Variants in ADGRB3 observed in about 807,000 individuals in gnomAD.
ADGRB3 encodes adhesion G protein-coupled receptor B3.
Under a neutral mutation model 193.4 loss-of-function variants are expected in ADGRB3, and 37 were observed. The observed-to-expected ratio is 0.19, with a 90% confidence interval of 0.15 to 0.25. ADGRB3 has a LOEUF of 0.25. ADGRB3 is among the 10% of genes least tolerant of loss of function. The pLI, the probability that ADGRB3 is intolerant of heterozygous loss-of-function variation, is 1.00. For synonymous variants in ADGRB3, 690 were observed against 644.2 expected (o/e 1.07, Z -1.08); for missense variants, 1,637 against 1,852.9 (o/e 0.88, Z 2.14).
chr6:68,642,572 G>C (rs971897250), intron 3 of ADGRB3, among the ~76,000 whole-genome samples: 2 of 151,988 alleles, frequency 1.3e-5, no homozygotes, highest in East Asian at 3.9e-4. Context: ...TTTGACTAAT[G>C]CTTCATTAAA....
chr6:68,756,085 C>CA (rs1459991850), intron 3 of ADGRB3, among the ~76,000 whole-genome samples: 1 of 152,080 alleles, frequency 6.6e-6, no homozygotes, highest in Non-Finnish European at 1.5e-5. Flanking sequence ...TTAATGGGCA[C>CA]ATTGGCATGT....
chr6:69,372,465 GA>G (rs929923619), intron 30 of ADGRB3, 24 bp downstream of exon 30: 1 of 1,243,740 alleles, frequency 8.0e-7, no homozygotes, highest in Non-Finnish European at 1.1e-6. Context: ...AATTATTTTA[GA>G]ATTGTAATTA....
In ADGRB3 at chr6:69,030,092, A is replaced by G. The variant is rs539686951; in HGVS notation, c.2107+11593A>G. On this transcript the variant is annotated intron_variant, in intron 13 of 31. Transcript: ENST00000370598. ...CCATCCCATGCCAGTTAGAATGGCA[A>G]TCATTAAAAAGTCAGGAAACAACAG... 2.8e-4 allele frequency among the ~76,000 whole-genome samples: 43 copies of G among 152,144 alleles called. No individual in the cohort carries two copies. In the East Asian group the frequency reaches 4.1e-3, roughly 14 times the overall value.
chr6:68,837,857 G>T (rs1768074852), intron 3 of ADGRB3, among the ~76,000 whole-genome samples: 1 of 152,118 alleles, frequency 6.6e-6, no homozygotes, highest in African/African-American at 2.4e-5. Flanking sequence ...GCTGTCTATG[G>T]ATTTAGCCAG....
chr6:68,638,841 A>G lies in ADGRB3; in HGVS notation c.166A>G (p.Thr56Ala), dbSNP rs766544449. 10 of 1,614,004 alleles carry G rather than the reference A, an allele frequency of 6.2e-6. No homozygotes were observed. The South Asian group carries it at 1.1e-4, about 18-fold the overall frequency. Residue 56 changes from threonine to alanine, a missense_variant, in exon 3 of 32, where the codon ACT becomes GCT. Physicochemically the swap from Thr to Ala is moderately conservative, Grantham distance 58. Coordinates refer to ENST00000370598, the MANE Select transcript of ADGRB3 (RefSeq NM_001704.3). The stretch of plus-strand genomic sequence containing the variant: ...GTTTCCTAAAAACTTTACAAACTGC[A>G]CTTGGACGCTGGAAAATCCAGATCC... ...EMFPKNFTNCTWTLENPDPTK... is the reference protein window; with the variant it reads ...EMFPKNFTNCAWTLENPDPTK...
chr6:68,758,019 G>A (rs745973855), intron 3 of ADGRB3, among the ~76,000 whole-genome samples: 2 of 152,024 alleles, frequency 1.3e-5, no homozygotes, highest in Non-Finnish European at 2.9e-5. Context: ...AAGCACCACA[G>A]TGAAAGTCTA....
chr6:69,310,024 C>T (rs1188267918), intron 20 of ADGRB3, among the ~76,000 whole-genome samples: 2 of 151,696 alleles, frequency 1.3e-5, no homozygotes, highest in Non-Finnish European at 3.0e-5. Context: ...CTCTACACAA[C>T]TTTTATGTTT....
intron 3 of ADGRB3, among the ~76,000 whole-genome samples, chr6:68,758,751 CCATTAAGCACTTTTTAT>C (rs1298715463): frequency 1.3e-5 from 2 of 152,042 alleles, no homozygotes; most frequent in Non-Finnish European, 2.9e-5. Context: ...CCCATAGTGC[CCATTAAGCACTTTTTAT>C]AGCATATGGC....
intron 17 of ADGRB3, among the ~76,000 whole-genome samples, chr6:69,153,698 G>T (rs112625560): frequency 5.9e-5 from 9 of 152,106 alleles, no homozygotes; most frequent in South Asian, 2.1e-4. Flanking sequence ...TTAATATTTG[G>T]TAAGAGCCTA....
chr6:69,332,778 C>A, intron 23 of ADGRB3, 145 bp from the exon 24 acceptor site: 2 of 1,430,760 alleles, frequency 1.4e-6, no homozygotes, highest in Non-Finnish European at 1.8e-6. Flanking sequence ...TATGCCTCTG[C>A]TCACTTATAA....
chr6:68,843,331 C>A (rs970457868), intron 3 of ADGRB3, among the ~76,000 whole-genome samples: 2 of 151,964 alleles, frequency 1.3e-5, no homozygotes, highest in Admixed American at 6.6e-5. Context: ...AGTAAAGTTG[C>A]AGGATACAAA....
intron 24 of ADGRB3, among the ~76,000 whole-genome samples, chr6:69,336,240 T>C (rs556425090): frequency 6.6e-6 from 1 of 152,000 alleles, no homozygotes; most frequent in Non-Finnish European, 1.5e-5. Flanking sequence ...GTGAATAAAA[T>C]CAGGATTAAA....
chr6:69,194,526 A>G (rs959540464), intron 17 of ADGRB3, among the ~76,000 whole-genome samples: 1 of 152,118 alleles, frequency 6.6e-6, no homozygotes, highest in African/African-American at 2.4e-5. Context: ...TGTGTTGCCA[A>G]AATCAGTTTT....
intron 6 of ADGRB3, among the ~76,000 whole-genome samples, chr6:68,948,046 G>A (rs1457789654): frequency 1.3e-5 from 2 of 152,128 alleles, no homozygotes; most frequent in African/African-American, 4.8e-5. Flanking sequence ...TTCTGAACCG[G>A]ATGCTGTTCG....
intron 3 of ADGRB3, among the ~76,000 whole-genome samples, chr6:68,716,407 A>G (rs560540664): frequency 1.6e-4 from 24 of 151,806 alleles, no homozygotes; most frequent in South Asian, 8.3e-4. Context: ...AAGAACCTTG[A>G]AGATATTAAA....
At chr6:68,935,383 A>G (rs1449917718) in intron 4 of ADGRB3, among the ~76,000 whole-genome samples, 1 of 152,152 alleles carries the variant, frequency 6.6e-6, no homozygotes, top group African/African-American at 2.4e-5. Context: ...TCATTTACTA[A>G]CTCTCTAGAA....
intron 17 of ADGRB3, among the ~76,000 whole-genome samples, chr6:69,215,752 T>A (rs1048772328): frequency 3.3e-5 from 5 of 152,116 alleles, no homozygotes; most frequent in Non-Finnish European, 5.9e-5. Context: ...ACAATAATAT[T>A]CTTACAGCTG....
intron 13 of ADGRB3, among the ~76,000 whole-genome samples, chr6:69,040,345 C>CTTTCTTTCTTTCTTTCTTTCTTTCT (rs1554251260): frequency 5.2e-4 from 27 of 51,976 alleles, no homozygotes; most frequent in Non-Finnish European, 9.6e-4. Context: ...TTCTTTCTTT[C>CTTTCTTTCTTTCTTTCTTTCTTTCT]TTTCTTTCTT....
intron 23 of ADGRB3, chr6:69,332,259 T>C: frequency 1.0e-6 from 1 of 985,330 alleles, no homozygotes; most frequent in Admixed American, 6.1e-5. Context: ...AAAAGACCTT[T>C]TAAGTGAGAA....
Sources: allele counts gnomAD v4.1 joint callset (sites outside exome capture counted in the v4.1 genomes callset), GRCh38; gene constraint gnomAD v4.1.1; transcripts MANE v1.5; gene names NCBI Gene and HGNC (gene_info 2026-07-23, HGNC 2026-07-21).